Variants in UNC13C observed in about 807,000 individuals in gnomAD.
The protein encoded by UNC13C is unc-13 homolog C.
In UNC13C, 174 loss-of-function variants were observed where a neutral mutation model predicts 245.4. The observed-to-expected ratio is 0.71, with a 90% CI of 0.63 to 0.80. The LOEUF (loss-of-function observed/expected upper bound fraction) is 0.80. UNC13C is among the 30% of genes least tolerant of loss of function. The pLI is 0.00. For synonymous variants in UNC13C, 992 were observed against 895.1 expected, an observed-to-expected ratio of 1.11 and a Z score of -1.93; for missense variants, 2,829 against 2,602.9, an observed-to-expected ratio of 1.09 and a Z score of -1.89.
At chr15:54,300,738 A>G (rs565120252) in intron 13 of UNC13C, among the ~76,000 whole-genome samples, 5 of 152,290 alleles carry the variant, frequency 3.3e-5, no homozygotes, top group Admixed American at 6.5e-5. Context: ...TGATTCTCAT[A>G]TACTTTAAAG....
At chr15:54,278,870 T>C (rs2036903453) in intron 10 of UNC13C, among the ~76,000 whole-genome samples, 1 of 152,160 alleles carries the variant, frequency 6.6e-6, no homozygotes, top group African/African-American at 2.4e-5. Context: ...CCATCAGTCT[T>C]ACCTCTTTAT....
chr15:53,905,210 T>A, the UNC13C span, among the ~76,000 whole-genome samples: 1 of 152,068 alleles, frequency 6.6e-6, no homozygotes, highest in African/African-American at 2.4e-5. Flanking sequence ...ACAGGTATAG[T>A]CAAAGGAAAT....
intron 2 of UNC13C, among the ~76,000 whole-genome samples, chr15:54,104,675 AATTAT>A (rs1900343564): frequency 6.8e-6 from 1 of 146,384 alleles, no homozygotes; most frequent in Non-Finnish European, 1.5e-5. Flanking sequence ...TTCTCTAAAT[AATTAT>A]ATTTACAGTT....
At chr15:54,574,381 G>A (rs1897875456) in intron 30 of UNC13C, among the ~76,000 whole-genome samples, 1 of 152,020 alleles carries the variant, frequency 6.6e-6, no homozygotes, top group African/African-American at 2.4e-5. Context: ...TTCATTTCTT[G>A]CATCTTGATT....
chr15:54,565,970 C>G (rs1390929251), intron 29 of UNC13C, among the ~76,000 whole-genome samples: 1 of 151,950 alleles, frequency 6.6e-6, no homozygotes, highest in Admixed American at 6.6e-5. Context: ...TCCTCGTCCT[C>G]TTTTATTATA....
chr15:54,390,739 GTTAAA>G (rs1216803594), intron 17 of UNC13C, among the ~76,000 whole-genome samples: 1 of 151,740 alleles, frequency 6.6e-6, no homozygotes, highest in Non-Finnish European at 1.5e-5. Context: ...CAATCATAAG[GTTAAA>G]TGCCCTATTA....
At chr15:54,300,579 T>A (rs945964029) in intron 13 of UNC13C, among the ~76,000 whole-genome samples, 1 of 152,164 alleles carries the variant, frequency 6.6e-6, no homozygotes, top group Non-Finnish European at 1.5e-5. Context: ...CCAATCCTTG[T>A]TCTGTCCTCC....
chr15:54,447,322 G>A (rs1890872266), intron 19 of UNC13C, among the ~76,000 whole-genome samples: 1 of 152,062 alleles, frequency 6.6e-6, no homozygotes, highest in Admixed American at 6.5e-5. Flanking sequence ...TTTTTCTATT[G>A]ATTGGAATAG....
intron 13 of UNC13C, among the ~76,000 whole-genome samples, chr15:54,303,423 T>C (rs1028379722): frequency 6.6e-6 from 1 of 152,126 alleles, no homozygotes; most frequent in South Asian, 2.1e-4. Context: ...AAATTTATTC[T>C]AAAATATCTC....
chr15:54,329,984 C>G lies in UNC13C; in HGVS notation c.4426-2059C>G, dbSNP rs185853879. ...GGTAGGGAATTCAGAGCTGGTATAGCTGCTCAGTATTGTAATATTTTAAAA... is the reference window on the plus strand; with the variant it reads ...GGTAGGGAATTCAGAGCTGGTATAGGTGCTCAGTATTGTAATATTTTAAAA... On this transcript the variant is annotated intron_variant, in intron 14 of 32. Transcript: ENST00000260323. 8.7e-4 allele frequency among the ~76,000 whole-genome samples: 132 copies of G among 152,140 alleles called. 1 individual carries two copies. Among genetic ancestry groups the G allele is most frequent in the Non-Finnish European group, 1.6e-3 (108 of 67,984 alleles).
chr15:54,107,794 G>C (rs1900521525), intron 2 of UNC13C, among the ~76,000 whole-genome samples: 2 of 152,162 alleles, frequency 1.3e-5, no homozygotes, highest in South Asian at 4.1e-4. Flanking sequence ...GGAAGCATGA[G>C]AATAGATTAG....
At chr15:53,982,479 G>A (rs1359482835) in intron 1 of UNC13C, among the ~76,000 whole-genome samples, 5 of 152,082 alleles carry the variant, frequency 3.3e-5, no homozygotes, top group East Asian at 1.9e-4. Flanking sequence ...CCTGAAGCAC[G>A]TTTCTGAAAG....
chr15:54,234,955 C>A, intron 4 of UNC13C, 75 bp from the exon 5 acceptor site: 1 of 1,305,458 alleles, frequency 7.7e-7, no homozygotes, highest in Non-Finnish European at 1.1e-6. Context: ...AGACTTTATA[C>A]CATGAACAGT....
intron 2 of UNC13C, among the ~76,000 whole-genome samples, chr15:54,139,833 A>G (rs576191968): frequency 5.7e-4 from 86 of 152,130 alleles, no homozygotes; most frequent in Non-Finnish European, 1.1e-3. Context: ...TAACTATTCT[A>G]TATTTAAATC....
chr15:54,536,301 C>A (rs984971204), intron 26 of UNC13C, among the ~76,000 whole-genome samples: 16 of 151,892 alleles, frequency 1.1e-4, no homozygotes, highest in Admixed American at 8.5e-4. Flanking sequence ...AAACCCTGAA[C>A]AGACCAATAA....
chr15:54,250,348 C>T lies in UNC13C; in HGVS notation c.3352C>T (p.Leu1118=), dbSNP rs1488907982. ...PTYCYECEGL[L]WGIARQGMKC... ...CTACTGTTATGAGTGTGAAGGGCTC[C>T]TGTGGGGCATTGCAAGGCAAGGCAT... is the stretch of plus-strand genomic sequence containing the variant. Residue 1118 remains leucine (L), a synonymous_variant, in exon 8 of 33, where the codon CTG becomes TTG. Transcript: ENST00000260323. 6 of 1,613,776 alleles carry T rather than the reference C, an allele frequency of 3.7e-6. No individual in the cohort carries two copies. The highest frequency in any genetic ancestry group is 4.2e-6 in the Non-Finnish European group (5 of 1,179,878).
chr15:54,250,065 G>A (rs1255465239), intron 7 of UNC13C, among the ~76,000 whole-genome samples, 160 bp from the exon 8 acceptor site: 7 of 152,158 alleles, frequency 4.6e-5, no homozygotes, highest in Non-Finnish European at 8.8e-5. Flanking sequence ...TAGGTTAGCA[G>A]AGTTATTATG....
intron 8 of UNC13C, 81 bp from the exon 9 acceptor site, chr15:54,264,087 C>G (rs1440093036): frequency 1.0e-5 from 14 of 1,387,058 alleles, no homozygotes; most frequent in Non-Finnish European, 1.4e-5. Flanking sequence ...ATTCTCACTT[C>G]CTCCTCCTTT....
the UNC13C span, among the ~76,000 whole-genome samples, chr15:53,905,054 G>C: frequency 2.6e-5 from 4 of 151,972 alleles, no homozygotes; most frequent in Non-Finnish European, 4.4e-5. Context: ...TATATTTGTG[G>C]GACAATGAAT....
Sources: gnomAD v4.1 joint callset for allele counts (sites outside exome capture counted in the v4.1 genomes callset) on GRCh38, gnomAD v4.1.1 for gene constraint, MANE v1.5 for transcripts, NCBI Gene and HGNC (gene_info 2026-07-23, HGNC 2026-07-21) for gene names.